PBX1: variants seen among roughly 807,000 people sequenced by gnomAD.
The protein encoded by PBX1 is pre-B-cell leukemia transcription factor 1.
Under a neutral mutation model 53.4 loss-of-function variants are expected in PBX1, and 6 were observed. That is an observed-to-expected ratio of 0.11 (90% CI 0.06 to 0.22). The LOEUF (loss-of-function observed/expected upper bound fraction) is 0.22. Among genes scored for constraint, PBX1 ranks in the 10% least tolerant of loss-of-function variants. PBX1 has a pLI of 1.00. For synonymous variants in PBX1, 204 were observed against 212.3 expected (o/e 0.96, Z 0.34); for missense variants, 251 against 551.4 (o/e 0.46, Z 5.46).
intron 2 of PBX1, among the ~76,000 whole-genome samples, chr1:164,710,878 T>A (rs1663725802): frequency 6.6e-6 from 1 of 152,166 alleles, no homozygotes; most frequent in Non-Finnish European, 1.5e-5. Flanking sequence ...CAGGGATGAC[T>A]AAGTGCAAGG....
chr1:164,857,439 C>A (rs939882053), intron 2 of PBX1, among the ~76,000 whole-genome samples: 1 of 152,178 alleles, frequency 6.6e-6, no homozygotes, highest in East Asian at 1.9e-4. Flanking sequence ...CCCTGAAACC[C>A]ATTGTTTAGG....
intron 5 of PBX1, among the ~76,000 whole-genome samples, chr1:164,811,515 G>A (rs1406478282): frequency 6.6e-6 from 1 of 152,150 alleles, no homozygotes; most frequent in East Asian, 1.9e-4. Context: ...CCACATTAAA[G>A]TTATGTAACT....
chr1:164,776,749 C>T (rs1667667921), intron 2 of PBX1, among the ~76,000 whole-genome samples: 1 of 152,120 alleles, frequency 6.6e-6, no homozygotes, highest in African/African-American at 2.4e-5. Flanking sequence ...CTTTTCTGTG[C>T]AATGATTAAC....
rs1310361515 is a variant in PBX1, at chr1:164,778,570, G to A, written c.266-13924G>A. 2.6e-5 allele frequency among the ~76,000 whole-genome samples: 4 copies of A among 151,820 alleles called. No homozygotes were observed. In the East Asian group the frequency reaches 7.7e-4, roughly 29 times the overall value. Reference sequence around the variant, plus strand: ...GAGGATTGCTTGGACGTGGGAGGTCGAGGCTGCAATGAGCTGTGATTGCAC... The same window carrying A: ...GAGGATTGCTTGGACGTGGGAGGTCAAGGCTGCAATGAGCTGTGATTGCAC... On this transcript the variant is annotated intron_variant, in intron 2 of 8. Transcript: ENST00000420696.
chr1:164,656,372 T>G (rs902883231), intron 2 of PBX1, among the ~76,000 whole-genome samples: 1 of 152,198 alleles, frequency 6.6e-6, no homozygotes, highest in African/African-American at 2.4e-5. Context: ...GTTCAGTACA[T>G]CTCATAGAAA....
chr1:164,761,002 A>G (rs1666783280), intron 2 of PBX1, among the ~76,000 whole-genome samples: 2 of 152,324 alleles, frequency 1.3e-5, no homozygotes, highest in South Asian at 4.1e-4. Flanking sequence ...TTCTAAAAGT[A>G]TAAGCAACCT....
At chr1:164,730,926 C>A (rs931527243) in intron 2 of PBX1, among the ~76,000 whole-genome samples, 1 of 152,174 alleles carries the variant, frequency 6.6e-6, no homozygotes, top group African/African-American at 2.4e-5. Context: ...TATTTTACTG[C>A]ATGTTTACAT....
chr1:164,602,730 A>AG (rs1656265538), intron 2 of PBX1, among the ~76,000 whole-genome samples: 1 of 147,636 alleles, frequency 6.8e-6, no homozygotes, highest in Admixed American at 6.8e-5. Context: ...AAAAAATGGG[A>AG]GGCAGCAAAA....
Position 164,847,232 on chromosome 1 carries a change from C to G in PBX1, c.*556C>G. On this transcript the variant is annotated 3_prime_UTR_variant, in exon 9 of 9. Transcript: ENST00000420696. ...CCAGGCCTCCCTGCTTCCTCTTGCT[C>G]TTCCTCCCTGGGGACAGTACTGATT... 2.8e-6 allele frequency: 3 copies of G among 1,074,074 alleles called. No individual in the cohort carries two copies. Among genetic ancestry groups the G allele is most frequent in the Non-Finnish European group, 3.4e-6 (3 of 883,772 alleles). 66.5% of individuals were successfully genotyped at this position (1,074,074 alleles called of 1,614,324 possible).
intron 2 of PBX1, among the ~76,000 whole-genome samples, chr1:164,872,447 C>T (rs1672405060): frequency 6.6e-6 from 1 of 152,206 alleles, no homozygotes; most frequent in Non-Finnish European, 1.5e-5. Context: ...ATGTCCTGAG[C>T]CTCCTTGAGC....
intron 2 of PBX1, among the ~76,000 whole-genome samples, chr1:164,654,345 G>C (rs1660020062): frequency 6.6e-6 from 1 of 152,188 alleles, no homozygotes; most frequent in African/African-American, 2.4e-5. Context: ...AAGAGGCCCA[G>C]TCTTTGGAAC....
intron 2 of PBX1, among the ~76,000 whole-genome samples, chr1:164,672,892 C>T (rs138862004): frequency 6.6e-6 from 1 of 152,272 alleles, no homozygotes; most frequent in Non-Finnish European, 1.5e-5. Flanking sequence ...ACTTCAAAGG[C>T]AGGAGTGAGA....
At chr1:164,737,896 C>T (rs900258994) in intron 2 of PBX1, among the ~76,000 whole-genome samples, 2 of 152,162 alleles carry the variant, frequency 1.3e-5, no homozygotes, top group African/African-American at 2.4e-5. Flanking sequence ...TTCCCCACCT[C>T]CCCCCAACCG....
downstream of PBX1, chr1:164,854,433 T>C (rs568281279): frequency 3.3e-5 from 5 of 152,108 alleles, no homozygotes; most frequent in Non-Finnish European, 5.9e-5. Context: ...AAACATCCAT[T>C]GTGGAGAAAG....
chr1:164,843,421 C>A (rs1315833820), intron 8 of PBX1, among the ~76,000 whole-genome samples: 2 of 152,076 alleles, frequency 1.3e-5, no homozygotes, highest in African/African-American at 4.8e-5. Flanking sequence ...TTTGCTCAGG[C>A]TGTTGGGGTC....
At chr1:164,649,601 C>G (rs767924525) in intron 2 of PBX1, among the ~76,000 whole-genome samples, 5 of 152,090 alleles carry the variant, frequency 3.3e-5, no homozygotes, top group Non-Finnish European at 7.3e-5. Flanking sequence ...AGATTGTGTC[C>G]CATGAATTCA....
chr1:164,579,699 T>G (rs1366345280), intron 2 of PBX1, among the ~76,000 whole-genome samples: 1 of 152,182 alleles, frequency 6.6e-6, no homozygotes, highest in Non-Finnish European at 1.5e-5. Context: ...TCCAAGTGAT[T>G]TGAAGGAAAG....
At chr1:164,653,667 G>A (rs542402895) in intron 2 of PBX1, among the ~76,000 whole-genome samples, 1 of 152,204 alleles carries the variant, frequency 6.6e-6, no homozygotes, top group Non-Finnish European at 1.5e-5. Flanking sequence ...CTACTTGGGA[G>A]ACTAAGGCAG....
chr1:164,747,435 C>G (rs1306743171), intron 2 of PBX1, among the ~76,000 whole-genome samples: 1 of 151,806 alleles, frequency 6.6e-6, no homozygotes, highest in African/African-American at 2.4e-5. Flanking sequence ...TTTGGTCATG[C>G]TTATATTCTT....
Sources: gnomAD v4.1 joint callset for allele counts (sites outside exome capture counted in the v4.1 genomes callset) on GRCh38, gnomAD v4.1.1 for gene constraint, MANE v1.5 for transcripts, NCBI Gene and HGNC (gene_info 2026-07-23, HGNC 2026-07-21) for gene names.